CRADD: variants seen among roughly 807,000 people sequenced by gnomAD.
CRADD encodes CARD and death domain containing adaptor protein, also known as death domain-containing protein CRADD.
In CRADD, 9 loss-of-function variants were observed where a neutral mutation model predicts 15.5. That is an observed-to-expected ratio of 0.58 (90% confidence interval 0.35 to 1.01). CRADD has a LOEUF of 1.01. CRADD is among the 50% of genes least tolerant of loss of function. The probability of loss-of-function intolerance (pLI) is 0.02; values close to 1 mark genes in which losing one functional copy is unlikely to be tolerated. For missense variants in CRADD, 227 were observed against 250.3 expected (o/e 0.91, Z 0.63); for synonymous variants, 118 against 107.6 (o/e 1.10, Z -0.60).
intron 2 of CRADD, among the ~76,000 whole-genome samples, chr12:93,814,922 T>A (rs926828307): frequency 6.6e-6 from 1 of 152,236 alleles, no homozygotes; most frequent in Admixed American, 6.5e-5. Context: ...TTGCCCCACA[T>A]TTTGCTCAAA....
At chr12:93,859,169 AC>A (rs755938673) in intron 2 of CRADD, 26 of 382,996 alleles carry the variant, frequency 6.8e-5, no homozygotes, top group South Asian at 4.3e-4. Context: ...TGTTTAACAC[AC>A]CCAGTTACCT....
chr12:93,859,559 A>G, intron 2 of CRADD: 1 of 320,142 alleles, frequency 3.1e-6, no homozygotes, highest in Non-Finnish European at 6.1e-6. Context: ...TTATTAATGA[A>G]GAATAACTCA....
At chr12:93,863,129 T>C (rs1958330768) in intron 2 of CRADD, among the ~76,000 whole-genome samples, 1 of 152,200 alleles carries the variant, frequency 6.6e-6, no homozygotes, top group Non-Finnish European at 1.5e-5. Context: ...TGGCTTGATA[T>C]CATGCTGCAT....
At position 93,850,145 on chromosome 12, in the gene CRADD, G is replaced by T. The variant is rs201944383; in HGVS notation, c.474G>T (p.Ser158=). Residue 158 remains serine (S), a synonymous_variant, in exon 3 of 3, where the codon TCG becomes TCT. Transcript: ENST00000332896. This position sits in a 1 kb window ranked among gnomAD's most constrained non-coding sequence, Gnocchi z 4.0. ...CCAACCACCCCCACAACGTGCAGTC[G>T]CAGGTGGTGGAGGCCTTCATCCGTT... The part of the protein sequence containing the change: ...CKANHPHNVQ[S]QVVEAFIRWR... 7 of 1,614,036 alleles carry T rather than the reference G, an allele frequency of 4.3e-6. No homozygotes were observed. Among genetic ancestry groups the T allele is most frequent in the Non-Finnish European group, 5.1e-6 (6 of 1,179,922 alleles).
chr12:93,789,039 A>G (rs1485824792), intron 2 of CRADD, among the ~76,000 whole-genome samples: 17 of 152,060 alleles, frequency 1.1e-4, no homozygotes, highest in Non-Finnish European at 1.6e-4. Flanking sequence ...TTGGTGGTCA[A>G]CCACTTCAAG....
At chr12:93,891,046 G>C (rs1958572570) in intron 2 of CRADD, among the ~76,000 whole-genome samples, 1 of 151,774 alleles carries the variant, frequency 6.6e-6, no homozygotes, top group African/African-American at 2.4e-5. Context: ...ACCACGCCTA[G>C]CCCAATGTAT....
intron 2 of CRADD, among the ~76,000 whole-genome samples, chr12:93,808,850 A>G (rs1160890033): frequency 6.6e-6 from 1 of 151,672 alleles, no homozygotes; most frequent in Non-Finnish European, 1.5e-5. Flanking sequence ...ACAGTGGCTC[A>G]TCTCAAGCAT....
At chr12:93,881,946 G>A (rs1357808361) in intron 2 of CRADD, among the ~76,000 whole-genome samples, 1 of 151,994 alleles carries the variant, frequency 6.6e-6, no homozygotes, top group African/African-American at 2.4e-5. Context: ...GACCAGCCTG[G>A]TGAAACCCCA....
At chr12:93,711,425 G>T (rs777142808) in intron 2 of CRADD, among the ~76,000 whole-genome samples, 1 of 152,032 alleles carries the variant, frequency 6.6e-6, no homozygotes, top group African/African-American at 2.4e-5. Flanking sequence ...ATGTAAGTCA[G>T]ATCATGTTAT....
chr12:93,736,284 G>A (rs571266678), intron 2 of CRADD, among the ~76,000 whole-genome samples: 1 of 152,238 alleles, frequency 6.6e-6, no homozygotes, highest in Non-Finnish European at 1.5e-5. Flanking sequence ...TAACAGTACA[G>A]TACATTGCAA....
intron 2 of CRADD, among the ~76,000 whole-genome samples, chr12:93,701,397 C>T (rs58072297): frequency 0.028 from 4,220 of 152,050 alleles, 127 homozygotes; most frequent in East Asian, 0.086. Context: ...GAGGCCAAGG[C>T]TTCTTCTCTC....
chr12:93,840,636 G>A (rs1314940345), intron 2 of CRADD, among the ~76,000 whole-genome samples: 3 of 150,986 alleles, frequency 2.0e-5, no homozygotes, highest in Non-Finnish European at 2.9e-5. Flanking sequence ...GCTCAATCTC[G>A]GCTCACCACA....
chr12:93,830,264 G>A (rs893104798), intron 2 of CRADD, among the ~76,000 whole-genome samples: 1 of 152,164 alleles, frequency 6.6e-6, no homozygotes, highest in African/African-American at 2.4e-5. Context: ...AAGCTTCTTC[G>A]AAGAGATGAC....
rs920085798 is a variant in CRADD at position 93,850,345 on chromosome 12, G to C, written c.*74G>C. The C allele has an allele frequency of 2.0e-6, 3 of 1,497,342 alleles. No homozygotes were observed. Among genetic ancestry groups the C allele is most frequent in the Non-Finnish European group, 2.7e-6 (3 of 1,128,730 alleles). 92.8% of individuals were successfully genotyped at this position (1,497,342 alleles called of 1,614,324 possible). On this transcript the variant is annotated 3_prime_UTR_variant, in exon 3 of 3. Coordinates refer to ENST00000332896, the MANE Select transcript of CRADD (RefSeq NM_003805.5). This position sits in a 1 kb window ranked among gnomAD's most constrained non-coding sequence, Gnocchi z 4.0. ...TGAATCCTGACTTTCACTCAGAGCA[G>C]GTGGTTTTTTGTGTAGGTTTGTTTT...
chr12:93,875,803 G>C (rs1192503173), intron 2 of CRADD, among the ~76,000 whole-genome samples: 1 of 151,896 alleles, frequency 6.6e-6, no homozygotes, highest in Admixed American at 6.6e-5. Context: ...ATTTTCTATT[G>C]GTTCATCATT....
At chr12:93,727,918 TAGA>T (rs373582408) in intron 2 of CRADD, among the ~76,000 whole-genome samples, 217 of 152,314 alleles carry the variant, frequency 1.4e-3, no homozygotes, top group African/African-American at 5.1e-3. Context: ...GTCAGCTCTA[TAGA>T]AGTTTTTCCT....
chr12:93,791,408 T>A (rs894014233), intron 2 of CRADD, among the ~76,000 whole-genome samples: 12 of 151,958 alleles, frequency 7.9e-5, no homozygotes, highest in African/African-American at 2.9e-4. Context: ...TTACGTTAAG[T>A]TAAATAAGCC....
intron 2 of CRADD, among the ~76,000 whole-genome samples, chr12:93,723,625 C>T (rs1264732721): frequency 6.6e-6 from 1 of 152,162 alleles, no homozygotes; most frequent in Non-Finnish European, 1.5e-5. Context: ...TGCTTAGCTG[C>T]CTCTGGGTTT....
At chr12:93,679,764 C>T (rs1481843541) in intron 2 of CRADD, among the ~76,000 whole-genome samples, 2 of 152,124 alleles carry the variant, frequency 1.3e-5, no homozygotes, top group African/African-American at 4.8e-5. Context: ...AGGCATTCGG[C>T]CTACTGACAA....
Sources: allele counts gnomAD v4.1 joint callset (sites outside exome capture counted in the v4.1 genomes callset), GRCh38; gene constraint gnomAD v4.1.1; non-coding constraint Gnocchi (gnomAD v3.1); transcripts MANE v1.5; gene names NCBI Gene and HGNC (gene_info 2026-07-23, HGNC 2026-07-21).